RPS6KC1: variants seen among roughly 807,000 people sequenced by gnomAD.
RPS6KC1 encodes the protein inactive ribosomal protein S6 kinase delta-1.
Under a neutral mutation model 103.8 loss-of-function variants are expected in RPS6KC1, and 54 were observed. The ratio of observed to expected loss-of-function variants is 0.52; its 90% CI spans 0.42 to 0.65. The LOEUF (loss-of-function observed/expected upper bound fraction) is 0.65, where lower values mean the gene tolerates loss of function less well. RPS6KC1 is among the 30% of genes least tolerant of loss of function. The pLI is 0.00. For synonymous variants in RPS6KC1, 439 were observed against 438.7 expected (o/e 1.00, Z -0.01); for missense variants, 1,151 against 1,253.8 (o/e 0.92, Z 1.24).
the RPS6KC1 span, among the ~76,000 whole-genome samples, chr1:213,754,156 ATTTGC>A: frequency 5.3e-5 from 8 of 152,288 alleles, no homozygotes; most frequent in East Asian, 1.5e-3. Flanking sequence ...TAAACAATAC[ATTTGC>A]TCATAGTCCA....
At chr1:213,540,119 CT>C in the RPS6KC1 span, among the ~76,000 whole-genome samples, 394 of 151,784 alleles carry the variant, frequency 2.6e-3, 4 homozygotes, top group Non-Finnish European at 2.7e-3. Context: ...CAATTTCTTC[CT>C]TTTTTTTGTG....
chr1:213,691,245 A>G, the RPS6KC1 span, among the ~76,000 whole-genome samples: 1 of 152,186 alleles, frequency 6.6e-6, no homozygotes, highest in Admixed American at 6.5e-5. Flanking sequence ...AAAATCCCCA[A>G]TCAGGACAGC....
chr1:213,536,376 T>A, the RPS6KC1 span, among the ~76,000 whole-genome samples: 1 of 152,212 alleles, frequency 6.6e-6, no homozygotes, highest in Admixed American at 6.5e-5. Context: ...GTGTCCCTTC[T>A]ATTACGGAAT....
At chr1:213,134,875 A>T (rs1405769292) in intron 6 of RPS6KC1, among the ~76,000 whole-genome samples, 2 of 152,070 alleles carry the variant, frequency 1.3e-5, no homozygotes, top group Non-Finnish European at 2.9e-5. Flanking sequence ...CTGAGAATAG[A>T]GGTAGTTTTC....
At position 213,241,949 on chromosome 1, in the gene RPS6KC1, C is replaced by T; in HGVS notation, c.2473C>T (p.Leu825Phe). 6.2e-7 allele frequency: 1 copy of T among 1,614,032 alleles called. No individual in the cohort carries two copies. The highest frequency in any genetic ancestry group is 8.5e-7 in the Non-Finnish European group (1 of 1,179,964). The change falls in exon 11 of 15, where the codon CTC becomes TTC. Residue 825 changes from leucine to phenylalanine, a missense_variant. Physicochemically the swap from Leu to Phe is conservative, Grantham distance 22. This residue lies in a region of RPS6KC1 where 959 missense variants were observed against 1,006.3 expected (regional missense o/e 0.95). Coordinates refer to ENST00000366960, the MANE Select transcript of RPS6KC1 (RefSeq NM_012424.6). ...AAGCTTATTCCGTATTTGTAGTCCACTCTCAGGTGCTAATGAATATATTGC... is the reference window on the plus strand; with the variant it reads ...AAGCTTATTCCGTATTTGTAGTCCATTCTCAGGTGCTAATGAATATATTGC... The part of the protein sequence containing the change: ...EESLFRICSP[L>F]SGANEYIAST...
the RPS6KC1 span, among the ~76,000 whole-genome samples, chr1:213,632,261 G>C: frequency 6.6e-6 from 1 of 152,124 alleles, no homozygotes; most frequent in South Asian, 2.1e-4. Context: ...CATTTCCCTA[G>C]AGAAAATACC....
the RPS6KC1 span, among the ~76,000 whole-genome samples, chr1:213,629,499 C>G: frequency 6.6e-6 from 1 of 152,174 alleles, no homozygotes; most frequent in African/African-American, 2.4e-5. Context: ...GATGGGTTTC[C>G]TGAATACAGC....
the RPS6KC1 span, among the ~76,000 whole-genome samples, chr1:213,506,834 C>T: frequency 6.6e-6 from 1 of 152,092 alleles, no homozygotes; most frequent in Admixed American, 6.6e-5. Flanking sequence ...AATAATAATT[C>T]CTGGGGGATT....
At chr1:213,358,308 C>A in the RPS6KC1 span, among the ~76,000 whole-genome samples, 6 of 152,122 alleles carry the variant, frequency 3.9e-5, no homozygotes, top group African/African-American at 9.7e-5. Flanking sequence ...CCTCAATTTC[C>A]GAGCCTGTTT....
chr1:213,181,057 T>C (rs1370191593), intron 8 of RPS6KC1, among the ~76,000 whole-genome samples: 1 of 152,192 alleles, frequency 6.6e-6, no homozygotes, highest in Non-Finnish European at 1.5e-5. Context: ...CATGAGACTC[T>C]TTGTACTGCA....
chr1:213,354,256 G>A, the RPS6KC1 span, among the ~76,000 whole-genome samples: 7 of 152,328 alleles, frequency 4.6e-5, no homozygotes, highest in South Asian at 1.2e-3. Flanking sequence ...CTGGCACCAT[G>A]AGTGCTCACT....
chr1:213,774,240 C>T, the RPS6KC1 span, among the ~76,000 whole-genome samples: 27 of 152,206 alleles, frequency 1.8e-4, 1 homozygote, highest in Non-Finnish European at 4.4e-5. Context: ...AAATTGGTTA[C>T]AGTGTGACCC....
the RPS6KC1 span, among the ~76,000 whole-genome samples, chr1:213,781,409 G>T: frequency 1.3e-5 from 2 of 152,306 alleles, no homozygotes; most frequent in African/African-American, 4.8e-5. Flanking sequence ...TAGGAGATGG[G>T]ATCCAGAAGG....
chr1:213,107,028 G>A (rs1423843902), intron 4 of RPS6KC1, among the ~76,000 whole-genome samples: 2 of 151,818 alleles, frequency 1.3e-5, no homozygotes, highest in Non-Finnish European at 2.9e-5. Context: ...GCAACCTCTT[G>A]CCTCCCGGGT....
chr1:213,615,035 G>A, the RPS6KC1 span, among the ~76,000 whole-genome samples: 10 of 152,162 alleles, frequency 6.6e-5, no homozygotes, highest in African/African-American at 2.2e-4. Flanking sequence ...ATCATTGTGT[G>A]TGTGTCCCCA....
the RPS6KC1 span, among the ~76,000 whole-genome samples, chr1:213,728,784 G>A: frequency 2.6e-5 from 4 of 151,954 alleles, no homozygotes; most frequent in East Asian, 5.8e-4. Flanking sequence ...TCACTCCTCC[G>A]CGCTCTTGGC....
Position 213,129,934 on chromosome 1 carries a change from T to C in RPS6KC1, c.835+45T>C, listed in dbSNP as rs1390126531. ...ATGTTTTGGCATGCTCTTTTGTTGG[T>C]ATGTGGGAAAAAAAAGTACATACAT... On this transcript the variant is annotated intron_variant, in intron 6 of 14. Coordinates refer to ENST00000366960, the MANE Select transcript of RPS6KC1 (RefSeq NM_012424.6). 4 of 1,522,058 alleles carry C rather than the reference T, an allele frequency of 2.6e-6. No individual in the cohort carries two copies. The African/African-American group carries it at 5.6e-5, about 21-fold the overall frequency. 94.3% of individuals were successfully genotyped at this position (1,522,058 alleles called of 1,614,324 possible).
chr1:213,275,579 AT>A (rs964098190), downstream of RPS6KC1, among the ~76,000 whole-genome samples: 100 of 150,198 alleles, frequency 6.7e-4, no homozygotes, highest in African/African-American at 1.9e-3. Flanking sequence ...TAATGACAAC[AT>A]TTTTTTTTTA....
chr1:213,451,798 C>G, the RPS6KC1 span, among the ~76,000 whole-genome samples: 2 of 152,216 alleles, frequency 1.3e-5, no homozygotes, highest in Admixed American at 1.3e-4. Flanking sequence ...GAACCCAGGC[C>G]TGGAACTGCC....
Sources: gnomAD v4.1 joint callset for allele counts (sites outside exome capture counted in the v4.1 genomes callset) on GRCh38, gnomAD v4.1.1 for gene constraint, gnomAD v4.1.1 regional missense constraint, MANE v1.5 for transcripts, NCBI Gene and HGNC (gene_info 2026-07-23, HGNC 2026-07-21) for gene names.